The following CFAP47 variants were observed in gnomAD, a reference collection of about 807,000 sequenced individuals.
CFAP47 encodes cilia and flagella associated protein 47.
CFAP47 carries 29 observed loss-of-function variants against 148.1 expected under a neutral mutation model. The ratio of observed to expected loss-of-function variants is 0.20; its 90% CI spans 0.15 to 0.27. The LOEUF is 0.27. CFAP47 is among the 10% of genes least tolerant of loss of function. The pLI, the probability that CFAP47 is intolerant of heterozygous loss-of-function variation, is 1.00. For missense variants in CFAP47, 1,872 were observed against 1,697.5 expected (o/e 1.10, Z -1.81); for synonymous variants, 664 against 577.3 (o/e 1.15, Z -2.15).
intron 60 of CFAP47, among the ~76,000 whole-genome samples, chrX:36,356,660 C>A (rs1213362581): frequency 9.0e-6 from 1 of 111,119 alleles, no homozygotes; most frequent in African/African-American, 3.3e-5. Flanking sequence ...CAGACTAGCT[C>A]CTTTCTCACT....
chrX:36,301,296 G>GT, intron 53 of CFAP47, 117 bp downstream of exon 53: 1 of 444,113 alleles, frequency 2.3e-6, no homozygotes, highest in African/African-American at 2.7e-5. Context: ...TTTAGTCATT[G>GT]ATTTTTTTTC....
At chrX:36,018,322 C>T (rs547707015) in intron 22 of CFAP47, among the ~76,000 whole-genome samples, 2 of 111,986 alleles carry the variant, frequency 1.8e-5, no homozygotes, top group African/African-American at 6.5e-5. Flanking sequence ...ATTTTTACCT[C>T]CTCCTTTCCA....
In CFAP47 at chrX:35,970,819, A is replaced by G; in HGVS notation, c.1866A>G (p.Ala622=). The change falls in exon 11 of 64, where the codon GCA becomes GCG. Residue 622 remains alanine, a synonymous_variant. Transcript: ENST00000378653. ...PRFNYVNHDF[A]YTTFEKQQKK... ...TTAACTATGTGAATCATGATTTTGC[A>G]TATACTACATTTGAAAAACAGCAAA... 8.4e-7 allele frequency: 1 copy of G among 1,189,820 alleles called. No individual in the cohort carries two copies. Among genetic ancestry groups the G allele is most frequent in the Admixed American group, 2.3e-5 (1 of 43,162 alleles).
At chrX:36,078,905 A>G (rs6527536) in intron 29 of CFAP47, among the ~76,000 whole-genome samples, 27,690 of 109,374 alleles carry the variant, frequency 0.25, 5,133 homozygotes, top group African/African-American at 0.63. Flanking sequence ...TTGCTTGTCT[A>G]TAAAGGATTT....
chrX:36,055,393 C>T (rs1937547165), intron 26 of CFAP47, among the ~76,000 whole-genome samples: 1 of 111,023 alleles, frequency 9.0e-6, no homozygotes, highest in South Asian at 3.8e-4. Context: ...ATTCAGTTCC[C>T]ACTTATAAGT....
intron 57 of CFAP47, among the ~76,000 whole-genome samples, chrX:36,324,795 G>T (rs1406793645): frequency 1.8e-5 from 2 of 111,433 alleles, no homozygotes; most frequent in Non-Finnish European, 3.8e-5. Context: ...GGAAAAGAAA[G>T]AAATAGTTAT....
chrX:36,239,710 G>T (rs1940517276), intron 48 of CFAP47, among the ~76,000 whole-genome samples: 1 of 111,644 alleles, frequency 9.0e-6, no homozygotes, highest in South Asian at 3.7e-4. Flanking sequence ...AGGAAGATCT[G>T]GAATATAAGA....
chrX:35,993,341 T>G lies in CFAP47; in HGVS notation c.3099+20T>G. Reference sequence around the variant, plus strand: ...GCAAAGGTATGTCCATACATATGAGTTTTTGCACCTTACATATGTCTATGT... The same window carrying G: ...GCAAAGGTATGTCCATACATATGAGGTTTTGCACCTTACATATGTCTATGT... On this transcript the variant is annotated intron_variant, in intron 18 of 63. Coordinates refer to ENST00000378653, the MANE Select transcript of CFAP47 (RefSeq NM_001304548.2). 1 of 290,173 alleles carries G rather than the reference T, an allele frequency of 3.4e-6. No homozygotes were observed. The highest frequency in any genetic ancestry group is 6.0e-6 in the Non-Finnish European group (1 of 165,696). 23.9% of individuals were successfully genotyped at this position (290,173 alleles called of 1,213,427 possible).
chrX:36,288,999 C>CTTTTTTTTTT (rs34230885), intron 51 of CFAP47, among the ~76,000 whole-genome samples: 16 of 66,398 alleles, frequency 2.4e-4, no homozygotes, highest in Non-Finnish European at 3.6e-4. Flanking sequence ...TTCTTTCATC[C>CTTTTTTTTTT]TTTTTTTTTT....
chrX:36,321,817 G>A (rs1487815741), intron 57 of CFAP47, among the ~76,000 whole-genome samples: 2 of 111,678 alleles, frequency 1.8e-5, no homozygotes, highest in East Asian at 2.8e-4. Flanking sequence ...CTATTTATAC[G>A]TCTGCTTATA....
At chrX:36,154,078 C>T (rs776578185) in intron 37 of CFAP47, among the ~76,000 whole-genome samples, 3 of 111,868 alleles carry the variant, frequency 2.7e-5, no homozygotes, top group South Asian at 7.5e-4. Context: ...GTTCCTTGCC[C>T]ACACCCTTGT....
At chrX:36,027,899 C>T (rs1937238809) in intron 22 of CFAP47, among the ~76,000 whole-genome samples, 1 of 111,386 alleles carries the variant, frequency 9.0e-6, no homozygotes, top group Admixed American at 9.6e-5. Flanking sequence ...TTGCACCTCG[C>T]TGATAATTAG....
At chrX:36,338,409 C>G (rs137934418) in intron 57 of CFAP47, among the ~76,000 whole-genome samples, 341 of 111,127 alleles carry the variant, frequency 3.1e-3, no homozygotes, top group African/African-American at 0.01. Context: ...TATACACTAT[C>G]ATTCTCTTTT....
At chrX:36,134,116 ATAAAT>A (rs1938998784) in intron 33 of CFAP47, among the ~76,000 whole-genome samples, 1 of 111,271 alleles carries the variant, frequency 9.0e-6, no homozygotes, top group Admixed American at 9.6e-5. Context: ...GTATAACAAA[ATAAAT>A]TAGAGATATA....
rs1556003418 is a variant in CFAP47, at chrX:36,280,524, A to G, written c.7482A>G (p.Thr2494=). ...TTTCTACTACAAGAAGATGTACTAC[A>G]AGAAGGAAACATGATGATTATGAGG... ...ITFSTTRRCT[T]RRKHDDYEED... Residue 2494 remains threonine (T), a synonymous_variant, in exon 50 of 64, where the codon ACA becomes ACG. Transcript: ENST00000378653. 5.9e-6 allele frequency: 3 copies of G among 510,494 alleles called. No individual in the cohort carries two copies. In the South Asian group the frequency reaches 7.6e-5, roughly 13 times the overall value. 42.1% of individuals were successfully genotyped at this position (510,494 alleles called of 1,213,427 possible).
chrX:36,018,450 G>C, intron 22 of CFAP47, among the ~76,000 whole-genome samples: 1 of 111,848 alleles, frequency 8.9e-6, no homozygotes, highest in East Asian at 2.8e-4. Flanking sequence ...CTTAGAGGAA[G>C]GCTTTCAGTT....
At chrX:36,121,343 G>A (rs1259475990) in intron 33 of CFAP47, among the ~76,000 whole-genome samples, 2 of 110,720 alleles carry the variant, frequency 1.8e-5, no homozygotes, top group African/African-American at 6.6e-5. Context: ...TGATTGGAGA[G>A]TTTAATTAAT....
At chrX:36,251,636 T>C (rs1555998264) in intron 49 of CFAP47, among the ~76,000 whole-genome samples, 192 bp downstream of exon 49, 3 of 111,706 alleles carry the variant, frequency 2.7e-5, no homozygotes, top group Admixed American at 9.5e-5. Context: ...TGTCTAGTGC[T>C]ATATTATCTT....
chrX:36,092,463 C>A (rs745491138), intron 30 of CFAP47, among the ~76,000 whole-genome samples: 2 of 111,084 alleles, frequency 1.8e-5, no homozygotes, highest in South Asian at 3.7e-4. Flanking sequence ...AAATCCAATT[C>A]ATAAAACTCT....
Sources: allele counts gnomAD v4.1 joint callset (sites outside exome capture counted in the v4.1 genomes callset), GRCh38; gene constraint gnomAD v4.1.1; transcripts MANE v1.5; gene names NCBI Gene and HGNC (gene_info 2026-07-23, HGNC 2026-07-21).